Variants in DAZAP1 observed in about 807,000 individuals in gnomAD.
The protein encoded by DAZAP1 is DAZ-associated protein 1.
DAZAP1 carries 6 observed loss-of-function variants against 60.1 expected under a neutral mutation model. The ratio of observed to expected loss-of-function variants is 0.10; its 90% CI spans 0.05 to 0.20. The LOEUF (loss-of-function observed/expected upper bound fraction) is 0.20. Ranked by LOEUF, DAZAP1 falls within the 10% of genes least tolerant of loss-of-function variation. The pLI, the probability that DAZAP1 is intolerant of heterozygous loss-of-function variation, is 1.00. For missense variants in DAZAP1, 366 were observed against 560.4 expected, an observed-to-expected ratio of 0.65 and a Z score of 3.50; for synonymous variants, 235 against 215.9, an observed-to-expected ratio of 1.09 and a Z score of -0.78.
In DAZAP1 at chr19:1,418,443, A is replaced by C; in HGVS notation, c.237+73A>C. On this transcript the variant is annotated intron_variant, in intron 3 of 11. Coordinates refer to ENST00000233078, the MANE Select transcript of DAZAP1 (RefSeq NM_018959.4). The surrounding 1 kb of genome is among the most constrained non-coding windows in gnomAD (Gnocchi z 5.7). ...CTTCCTCTGCTTCATTTTTTCCTGG[A>C]CTCTGACCGATGTTTGCGTTAGAGT... The C allele has an allele frequency of 6.4e-7, 1 of 1,563,934 alleles. No homozygotes were observed. Among genetic ancestry groups the C allele is most frequent in the Middle Eastern group, 2.1e-4 (1 of 4,756 alleles).
rs1260918086 is a variant in DAZAP1 at position 1,432,851 on chromosome 19, G to A, written c.1048+161G>A. 1.6e-5 allele frequency: 12 copies of A among 766,220 alleles called. No homozygotes were observed. Among genetic ancestry groups the A allele is most frequent in the African/African-American group, 5.3e-5 (3 of 56,542 alleles). The allele number at this position is 766,220 out of a possible 1,614,324, so 47.5% of individuals were successfully genotyped here. A position where few individuals can be genotyped will look rare whatever the true frequency, so the allele number is the denominator to read the frequency against. On this transcript the variant is annotated intron_variant, in intron 11 of 11. Coordinates refer to ENST00000233078, the MANE Select transcript of DAZAP1 (RefSeq NM_018959.4). This position sits in a 1 kb window ranked among gnomAD's most constrained non-coding sequence, Gnocchi z 4.9. ...GTGTGGGGGTTGTTGGAGAGATCTC[G>A]TGGCAACTCGGGTCCAGCAGAAGGG...
In DAZAP1 at chr19:1,422,778, G is replaced by T. The variant is rs1448917143; in HGVS notation, c.463+382G>T. 6.6e-6 allele frequency among the ~76,000 whole-genome samples: 1 copy of T among 151,936 alleles called. No individual in the cohort carries two copies. Among genetic ancestry groups the T allele is most frequent in the Non-Finnish European group, 1.5e-5 (1 of 67,974 alleles). ...TGTCGTCAGCTGGGTCAGCTGGCTC[G>T]GTGTGGAGTTTGGATTTTCCGTGAT... On this transcript the variant is annotated intron_variant, in intron 6 of 11. Transcript: ENST00000233078. The surrounding 1 kb of genome is among the most constrained non-coding windows in gnomAD (Gnocchi z 4.5).
rs554168630 is a variant in DAZAP1 at position 1,422,082 on chromosome 19, C to T, written c.415-266C>T. On this transcript the variant is annotated intron_variant, in intron 5 of 11. Transcript: ENST00000233078. The surrounding 1 kb of genome is among the most constrained non-coding windows in gnomAD (Gnocchi z 4.5). ...TCATGTCCGTCAGCACACACGTGAG[C>T]GGGGCCACGGGCAGCCCGGAGGCGG... 5.3e-5 allele frequency among the ~76,000 whole-genome samples: 8 copies of T among 152,300 alleles called. No individual in the cohort carries two copies. In the South Asian group the frequency reaches 6.2e-4, roughly 12 times the overall value.
chr19:1,415,948 C>T (rs1170584769), intron 1 of DAZAP1: 1 of 152,048 alleles, frequency 6.6e-6, no homozygotes, highest in Admixed American at 6.5e-5. Flanking sequence ...GTGGTGGGAA[C>T]ATGCTTTGTT....
At position 1,422,248 on chromosome 19, in the gene DAZAP1, C is replaced by T; in HGVS notation, c.415-100C>T. On this transcript the variant is annotated intron_variant, in intron 5 of 11. Transcript: ENST00000233078. This position sits in a 1 kb window ranked among gnomAD's most constrained non-coding sequence, Gnocchi z 4.5. Reference sequence around the variant, plus strand: ...CTCCCCCGCTCAGGGAGGGCGCACCCTGTGCGAGAGTTTGGGTTCGTGGGA... The same window carrying T: ...CTCCCCCGCTCAGGGAGGGCGCACCTTGTGCGAGAGTTTGGGTTCGTGGGA... 9.1e-7 allele frequency: 1 copy of T among 1,098,110 alleles called. No homozygotes were observed. Among genetic ancestry groups the T allele is most frequent in the Non-Finnish European group, 1.4e-6 (1 of 725,624 alleles). The allele number at this position is 1,098,110 out of a possible 1,614,324, so 68.0% of individuals were successfully genotyped here. A position where few individuals can be genotyped will look rare whatever the true frequency, so the allele number is the denominator to read the frequency against.
rs373758247 is a variant in DAZAP1 at position 1,434,707 on chromosome 19, G to C, written c.1049-30G>C. 6.2e-7 allele frequency: 1 copy of C among 1,606,818 alleles called. No homozygotes were observed. The highest frequency in any genetic ancestry group is 8.5e-7 in the Non-Finnish European group (1 of 1,177,344). ...CGGCAGTGCCAACCGCCCAGGGACC[G>C]CCCCGAGCTCACAGGACTTTCTCCC... On this transcript the variant is annotated intron_variant, in intron 11 of 11. Coordinates refer to ENST00000233078, the MANE Select transcript of DAZAP1 (RefSeq NM_018959.4). The surrounding 1 kb of genome is among the most constrained non-coding windows in gnomAD (Gnocchi z 8.0).
At chr19:1,419,707 C>T (rs561210470) in intron 4 of DAZAP1, among the ~76,000 whole-genome samples, 1 of 152,330 alleles carries the variant, frequency 6.6e-6, no homozygotes, top group East Asian at 1.9e-4. Context: ...TAGTAAACTG[C>T]ACCACTTGAT....
chr19:1,413,661 G>A (rs534624476), intron 1 of DAZAP1, among the ~76,000 whole-genome samples: 9 of 152,250 alleles, frequency 5.9e-5, no homozygotes, highest in Non-Finnish European at 1.0e-4. Context: ...GTGTGGCCGC[G>A]CGCGGTGCCT....
rs550425239 is a variant in DAZAP1, at chr19:1,432,893, C to T, written c.1048+203C>T. On this transcript the variant is annotated intron_variant, in intron 11 of 11. Transcript: ENST00000233078. This position sits in a 1 kb window ranked among gnomAD's most constrained non-coding sequence, Gnocchi z 4.9. Reference sequence around the variant, plus strand: ...GCAGAAGGGAGCGTGGGAGTCTTGTCGCAGCAGAGCACTCGTCATACAGCA... The same window carrying T: ...GCAGAAGGGAGCGTGGGAGTCTTGTTGCAGCAGAGCACTCGTCATACAGCA... 1.3e-4 allele frequency: 77 copies of T among 593,202 alleles called. No homozygotes were observed. The highest frequency in any genetic ancestry group is 2.8e-4 in the Admixed American group (9 of 31,798). 36.7% of individuals were successfully genotyped at this position (593,202 alleles called of 1,614,324 possible).
intron 1 of DAZAP1, among the ~76,000 whole-genome samples, chr19:1,409,512 A>G (rs1446224808): frequency 6.6e-6 from 1 of 152,160 alleles, no homozygotes; most frequent in Admixed American, 6.5e-5. Flanking sequence ...GGCTGCGTGG[A>G]GGAGAACTGG....
chr19:1,431,620 G>C (rs1382094657), intron 10 of DAZAP1, among the ~76,000 whole-genome samples: 1 of 152,166 alleles, frequency 6.6e-6, no homozygotes, highest in African/African-American at 2.4e-5. Flanking sequence ...GTAGAGAACA[G>C]GTTTCACTAT....
Position 1,432,786 on chromosome 19 carries a change from G to C in DAZAP1, c.1048+96G>C. The C allele has an allele frequency of 7.2e-7, 1 of 1,386,078 alleles. No homozygotes were observed. The highest frequency in any genetic ancestry group is 9.8e-7 in the Non-Finnish European group (1 of 1,019,034). 85.9% of individuals were successfully genotyped at this position (1,386,078 alleles called of 1,614,324 possible). A position where few individuals can be genotyped will look rare whatever the true frequency, so the allele number is the denominator to read the frequency against. ...TTCCTCCCCTGCTGGACGCTCCCCAGCCTTTACCTGGTGGGAAAGGGGAGA... is the reference window on the plus strand; with the variant it reads ...TTCCTCCCCTGCTGGACGCTCCCCACCCTTTACCTGGTGGGAAAGGGGAGA... On this transcript the variant is annotated intron_variant, in intron 11 of 11. Coordinates refer to ENST00000233078, the MANE Select transcript of DAZAP1 (RefSeq NM_018959.4). This position sits in a 1 kb window ranked among gnomAD's most constrained non-coding sequence, Gnocchi z 4.9.
In DAZAP1 at chr19:1,432,681, G is replaced by A; in HGVS notation, c.1039G>A (p.Gly347Ser). The A allele has an allele frequency of 6.2e-7, 1 of 1,604,322 alleles. No individual in the cohort carries two copies. Among genetic ancestry groups the A allele is most frequent in the Non-Finnish European group, 8.5e-7 (1 of 1,174,968 alleles). ...GACAGCTCAGCCAGACTTCCCCTATGGTCAGTATGGTAAGTGGTCTCCTGC... is the reference window on the plus strand; with the variant it reads ...GACAGCTCAGCCAGACTTCCCCTATAGTCAGTATGGTAAGTGGTCTCCTGC... ...PPTAQPDFPY[G>S]QYAGYGQDLS... The change falls in exon 11 of 12, where the codon GGT (glycine) becomes AGT (serine). Residue 347 changes from glycine (G) to serine (S), a missense_variant. Physicochemically the swap from Gly to Ser is moderately conservative, Grantham distance 56. Coordinates refer to ENST00000233078, the MANE Select transcript of DAZAP1 (RefSeq NM_018959.4). The surrounding 1 kb of genome is among the most constrained non-coding windows in gnomAD (Gnocchi z 4.9).
Position 1,425,762 on chromosome 19 carries a change from C to A in DAZAP1, c.464-116C>A. 2 of 784,496 alleles carry A rather than the reference C, an allele frequency of 2.5e-6. No individual in the cohort carries two copies. Among genetic ancestry groups the A allele is most frequent in the Non-Finnish European group, 4.5e-6 (2 of 442,080 alleles). 48.6% of individuals were successfully genotyped at this position (784,496 alleles called of 1,614,324 possible). ...TGCCCCAGGGGCCCGCAGCGCCCCA[C>A]ACACAGCTTAGCTGAAACCCAAGGT... is the stretch of plus-strand genomic sequence containing the variant. On this transcript the variant is annotated intron_variant, in intron 6 of 11. Transcript: ENST00000233078. This position sits in a 1 kb window ranked among gnomAD's most constrained non-coding sequence, Gnocchi z 5.4.
At chr19:1,429,272 T>C (rs1184600379) in intron 8 of DAZAP1, among the ~76,000 whole-genome samples, 1 of 152,226 alleles carries the variant, frequency 6.6e-6, no homozygotes, top group Non-Finnish European at 1.5e-5. Flanking sequence ...CGTCTGCACC[T>C]CGCGACCGTG....
rs750853056 is a variant in DAZAP1, at chr19:1,430,054, G to A, written c.730+58G>A. The A allele has an allele frequency of 1.5e-5, 23 of 1,579,796 alleles. No homozygotes were observed. The East Asian group carries it at 1.6e-4, about 11-fold the overall frequency. On this transcript the variant is annotated intron_variant, in intron 9 of 11. Coordinates refer to ENST00000233078, the MANE Select transcript of DAZAP1 (RefSeq NM_018959.4). ...CAGAAGCCACATGGCAGGCTGACTCGCCAGGTGTCCTGGGGCAGCCGGCAA... is the reference window on the plus strand; with the variant it reads ...CAGAAGCCACATGGCAGGCTGACTCACCAGGTGTCCTGGGGCAGCCGGCAA...
intron 8 of DAZAP1, 46 bp from the exon 9 acceptor site, chr19:1,429,921 A>G: frequency 6.4e-7 from 1 of 1,553,892 alleles, no homozygotes; most frequent in East Asian, 2.4e-5. Context: ...TGCGTCGGAC[A>G]GCTGGTGGAC....
Position 1,422,839 on chromosome 19 carries a change from C to T in DAZAP1, c.463+443C>T, listed in dbSNP as rs1569073727. ...CTTTTTTTTTCTTTCTTTCTTTTTT[C>T]CTTTTCTTTTCTTTTTCTTTTTTTT... On this transcript the variant is annotated intron_variant, in intron 6 of 11. Transcript: ENST00000233078. This position sits in a 1 kb window ranked among gnomAD's most constrained non-coding sequence, Gnocchi z 4.5. Among the ~76,000 whole-genome samples the T allele has an allele frequency of 2.2e-5, 3 of 134,218 alleles. No homozygotes were observed. Among genetic ancestry groups the T allele is most frequent in the African/African-American group, 1.1e-4 (3 of 26,760 alleles). 88.1% of individuals were successfully genotyped at this position (134,218 alleles called of 152,430 possible). A position where few individuals can be genotyped will look rare whatever the true frequency, so the allele number is the denominator to read the frequency against.
At chr19:1,429,061 G>T in intron 8 of DAZAP1, 66 bp downstream of exon 8, 1 of 1,483,012 alleles carries the variant, frequency 6.7e-7, no homozygotes, top group East Asian at 2.4e-5. Flanking sequence ...CGCGCCCTGG[G>T]CTGTGCCGTC....
Sources: gnomAD v4.1 joint callset for allele counts (sites outside exome capture counted in the v4.1 genomes callset) on GRCh38, gnomAD v4.1.1 for gene constraint, Gnocchi (gnomAD v3.1) non-coding constraint, MANE v1.5 for transcripts, NCBI Gene and HGNC (gene_info 2026-07-23, HGNC 2026-07-21) for gene names.